Variants in VPS50 observed in about 807,000 individuals in gnomAD.
The protein encoded by VPS50 is syndetin.
VPS50 carries 70 observed loss-of-function variants against 139.7 expected under a neutral mutation model. The ratio of observed to expected loss-of-function variants is 0.50; its 90% confidence interval spans 0.41 to 0.61. The LOEUF is 0.61. Among genes scored for constraint, VPS50 ranks in the 20% least tolerant of loss-of-function variants. VPS50 has a pLI of 0.00. For synonymous variants in VPS50, 365 were observed against 376.7 expected (o/e 0.97, Z 0.36); for missense variants, 921 against 1,133.7 (o/e 0.81, Z 2.69).
At position 93,232,384 on chromosome 7, in the gene VPS50, T is replaced by G. The variant is rs1011709883; in HGVS notation, c.-84T>G. ...CCTCCACGTGACCACCCACTATGGCTTCCTAGTGTCAGGGCCAGCTGTGTA... is the reference window on the plus strand; with the variant it reads ...CCTCCACGTGACCACCCACTATGGCGTCCTAGTGTCAGGGCCAGCTGTGTA... On this transcript the variant is annotated 5_prime_UTR_variant, in exon 1 of 28. Transcript: ENST00000305866. 8.5e-7 allele frequency: 1 copy of G among 1,180,956 alleles called. No homozygotes were observed. The highest frequency in any genetic ancestry group is 1.3e-6 in the Non-Finnish European group (1 of 787,452). 73.2% of individuals were successfully genotyped at this position (1,180,956 alleles called of 1,614,324 possible).
At position 93,271,337 on chromosome 7, in the gene VPS50, T is replaced by C. The variant is rs1027774646; in HGVS notation, c.702+75T>C. 1.7e-5 allele frequency: 24 copies of C among 1,430,956 alleles called. No homozygotes were observed. The Admixed American group carries it at 7.0e-4, about 41-fold the overall frequency. The allele number at this position is 1,430,956 out of a possible 1,614,324, so 88.6% of individuals were successfully genotyped here. ...TTTGAATAGCCTAGGTGCAACATTG[T>C]GTTTTGGCTTTTATGTTATTACCAA... On this transcript the variant is annotated intron_variant, in intron 10 of 27. Coordinates refer to ENST00000305866, the MANE Select transcript of VPS50 (RefSeq NM_017667.4).
chr7:93,285,954 G>T (rs116848735), intron 12 of VPS50, among the ~76,000 whole-genome samples: 5 of 152,056 alleles, frequency 3.3e-5, no homozygotes, highest in Non-Finnish European at 7.4e-5. Flanking sequence ...CATGTATGTT[G>T]TCTCTGTTAT....
chr7:93,353,630 GTCT>G lies in VPS50; in HGVS notation c.2464-5_2464-3del, dbSNP rs755285592. ...GATATTCACAAACAGCTACCTATTT[GTCT>G]TCTTAGGAATTTGAGCAGTTTAACA... On this transcript the variant is annotated splice_polypyrimidine_tract_variant and splice_region_variant and intron_variant, in intron 25 of 27. Transcript: ENST00000305866. 4 of 1,606,376 alleles carry G rather than the reference GTCT, an allele frequency of 2.5e-6. No individual in the cohort carries two copies. The Admixed American group carries it at 5.1e-5, about 21-fold the overall frequency.
intron 24 of VPS50, 81 bp from the exon 25 acceptor site, chr7:93,349,794 C>A: frequency 2.0e-6 from 2 of 1,010,274 alleles, no homozygotes; most frequent in Non-Finnish European, 3.0e-6. Flanking sequence ...ATGATATATA[C>A]TGGAAACAGG....
intron 13 of VPS50, among the ~76,000 whole-genome samples, chr7:93,293,064 G>A (rs1796695995): frequency 6.6e-6 from 1 of 152,060 alleles, no homozygotes; most frequent in African/African-American, 2.4e-5. Context: ...CCTAAAATTG[G>A]TCAGTTAAAA....
chr7:93,308,855 A>G lies in VPS50; in HGVS notation c.1661A>G (p.Tyr554Cys), dbSNP rs1797187581. ...TCTGATGAACAAGAAAAGAGTGCCT[A>G]TCAAGAGTATGACAGTGACAGTGAT... ...YESDEQEKSA[Y>C]QEYDSDSDVP... Residue 554 changes from tyrosine to cysteine, a missense_variant, in exon 19 of 28, where the codon TAT (tyrosine) becomes TGT (cysteine). Physicochemically the swap from Tyr to Cys is radical, Grantham distance 194. Around this residue, in one of 3 missense-constraint regions of VPS50, gnomAD observed 744 missense variants for 930.6 expected, o/e 0.80. Transcript: ENST00000305866. The G allele has an allele frequency of 6.2e-7, 1 of 1,606,270 alleles. No homozygotes were observed.
intron 20 of VPS50, chr7:93,321,013 T>G (rs922722908): frequency 1.3e-5 from 2 of 152,268 alleles, no homozygotes; most frequent in Non-Finnish European, 2.9e-5. Context: ...TGTTTTGAGC[T>G]GCTGGCTGCT....
intron 2 of VPS50, among the ~76,000 whole-genome samples, chr7:93,244,220 TC>T (rs1209455853): frequency 6.6e-6 from 1 of 151,940 alleles, no homozygotes; most frequent in Non-Finnish European, 1.5e-5. Flanking sequence ...ACCTGCCTAC[TC>T]TGAAGCATTT....
At chr7:93,234,244 AT>A (rs1292105589) in intron 1 of VPS50, among the ~76,000 whole-genome samples, 4 of 152,210 alleles carry the variant, frequency 2.6e-5, no homozygotes, top group African/African-American at 9.6e-5. Flanking sequence ...TTTTGACCTC[AT>A]TTTGTAAAAC....
At chr7:93,302,752 G>A (rs967356608) in intron 16 of VPS50, among the ~76,000 whole-genome samples, 1 of 152,024 alleles carries the variant, frequency 6.6e-6, no homozygotes, top group African/African-American at 2.4e-5. Context: ...GTGGTAGAAA[G>A]AGGAAGAACA....
intron 9 of VPS50, among the ~76,000 whole-genome samples, chr7:93,266,657 C>A (rs1795852258): frequency 6.6e-6 from 1 of 152,134 alleles, no homozygotes; most frequent in South Asian, 2.1e-4. Flanking sequence ...AGGCTTTTAG[C>A]CTTCCATCTT....
In VPS50 at chr7:93,345,057, A is replaced by T. The variant is rs560900300; in HGVS notation, c.2207+3482A>T. Among the ~76,000 whole-genome samples, 33 of 152,304 alleles carry T rather than the reference A, an allele frequency of 2.2e-4. 1 individual carries two copies. The highest frequency in any genetic ancestry group is 6.8e-3 in the Middle Eastern group (2 of 294). ...ATCCAGGAGCTGGTTTTTTGAAAGGATCAACAAAATTGATAGACTGCTAGC... is the reference window on the plus strand; with the variant it reads ...ATCCAGGAGCTGGTTTTTTGAAAGGTTCAACAAAATTGATAGACTGCTAGC... On this transcript the variant is annotated intron_variant, in intron 23 of 27. Transcript: ENST00000305866.
chr7:93,358,016 G>A (rs568369351), intron 27 of VPS50, among the ~76,000 whole-genome samples: 5 of 152,210 alleles, frequency 3.3e-5, no homozygotes, highest in Admixed American at 6.5e-5. Context: ...ACAGAAACAA[G>A]TGTAAAGTGT....
rs566502776 is a variant in VPS50, at chr7:93,330,374, G to T, written c.1978-3743G>T. On this transcript the variant is annotated intron_variant, in intron 21 of 27. Coordinates refer to ENST00000305866, the MANE Select transcript of VPS50 (RefSeq NM_017667.4). ...AACTCAACTAATCATTACATTAGATGATAATGGACTAAACTCTCAAATGGC... is the reference window on the plus strand; with the variant it reads ...AACTCAACTAATCATTACATTAGATTATAATGGACTAAACTCTCAAATGGC... 3.2e-3 allele frequency among the ~76,000 whole-genome samples: 480 copies of T among 152,258 alleles called. 2 individuals are homozygous for T. Among genetic ancestry groups the T allele is most frequent in the Non-Finnish European group, 6.0e-3 (406 of 68,004 alleles).
At chr7:93,285,057 T>G (rs1796443376) in intron 12 of VPS50, among the ~76,000 whole-genome samples, 1 of 152,212 alleles carries the variant, frequency 6.6e-6, no homozygotes, top group South Asian at 2.1e-4. Flanking sequence ...GCAGCATATT[T>G]TCAGAAGCCA....
At position 93,353,701 on chromosome 7, in the gene VPS50, C is replaced by T; in HGVS notation, c.2525C>T (p.Pro842Leu). 2 of 1,612,468 alleles carry T rather than the reference C, an allele frequency of 1.2e-6. No homozygotes were observed. Among genetic ancestry groups the T allele is most frequent in the Non-Finnish European group, 1.7e-6 (2 of 1,178,734 alleles). ...EVSKRVRIPL[P>L]VSNILWEHCI... ...TCTAAGAGAGTTCGCATACCCTTGC[C>T]TGTGTCTAATATACTTTGGGAACAT... is the stretch of plus-strand genomic sequence containing the variant. The change falls in exon 26 of 28, where the codon CCT becomes CTT. Residue 842 changes from proline to leucine, a missense_variant. Physicochemically the swap from Pro to Leu is moderately conservative, Grantham distance 98. Transcript: ENST00000305866.
chr7:93,339,363 C>A (rs1354348103), intron 22 of VPS50, among the ~76,000 whole-genome samples: 2 of 150,654 alleles, frequency 1.3e-5, no homozygotes, highest in African/African-American at 2.4e-5. Context: ...AAGAATTAAA[C>A]CACTTTCTAA....
intron 25 of VPS50, among the ~76,000 whole-genome samples, chr7:93,351,125 G>A (rs1798545003): frequency 6.6e-6 from 1 of 152,148 alleles, no homozygotes; most frequent in Non-Finnish European, 1.5e-5. Flanking sequence ...GCTGTCTCCA[G>A]ACTCCGGGAC....
intron 13 of VPS50, among the ~76,000 whole-genome samples, chr7:93,293,832 C>G (rs998354734): frequency 2.0e-5 from 3 of 152,154 alleles, no homozygotes; most frequent in African/African-American, 2.4e-5. Context: ...GCAAACTTGT[C>G]ATGCATCTGT....
Sources: gnomAD v4.1 joint callset for allele counts (sites outside exome capture counted in the v4.1 genomes callset) on GRCh38, gnomAD v4.1.1 for gene constraint, gnomAD v4.1.1 regional missense constraint, MANE v1.5 for transcripts, NCBI Gene and HGNC (gene_info 2026-07-23, HGNC 2026-07-21) for gene names.